The following GRIK4 variants were observed in gnomAD, a reference collection of about 807,000 sequenced individuals.
The protein encoded by GRIK4 is glutamate ionotropic receptor kainate type subunit 4.
Under a neutral mutation model 104.9 loss-of-function variants are expected in GRIK4, and 40 were observed. That is an observed-to-expected ratio of 0.38 (90% CI 0.30 to 0.50). The LOEUF is 0.50. Among genes scored for constraint, GRIK4 ranks in the 20% least tolerant of loss-of-function variants. The pLI, the probability that GRIK4 is intolerant of heterozygous loss-of-function variation, is 0.93. For missense variants in GRIK4, 1,047 were observed against 1,308.1 expected (o/e 0.80, Z 3.08); for synonymous variants, 485 against 524.9 (o/e 0.92, Z 1.04).
Position 120,819,660 on chromosome 11 carries a change from A to T in GRIK4, c.346-95A>T. On this transcript the variant is annotated intron_variant, in intron 5 of 20. Transcript: ENST00000527524. This position sits in a 1 kb window ranked among gnomAD's most constrained non-coding sequence, Gnocchi z 4.3. ...GTCTGGCGAAGGTGTTACATAAAAG[A>T]ACTCACCCTCCACAACCTCAGCTCA... 2.6e-6 allele frequency: 3 copies of T among 1,166,914 alleles called. No individual in the cohort carries two copies. Among genetic ancestry groups the T allele is most frequent in the African/African-American group, 1.5e-5 (1 of 66,544 alleles). 72.3% of individuals were successfully genotyped at this position (1,166,914 alleles called of 1,614,324 possible).
At chr11:120,900,187 G>A (rs930366257) in intron 12 of GRIK4, among the ~76,000 whole-genome samples, 15 of 152,176 alleles carry the variant, frequency 9.9e-5, no homozygotes, top group East Asian at 5.8e-4. Flanking sequence ...GGGAGGAGAG[G>A]TCAATGAAGG....
intron 3 of GRIK4, among the ~76,000 whole-genome samples, chr11:120,765,055 C>G (rs1456944278): frequency 2.0e-5 from 3 of 152,082 alleles, no homozygotes; most frequent in Non-Finnish European, 4.4e-5. Context: ...GTGTGTTTTC[C>G]AACTTGATTC....
At chr11:120,620,163 A>C (rs1173423011) in intron 1 of GRIK4, 1 of 843,272 alleles carries the variant, frequency 1.2e-6, no homozygotes. Flanking sequence ...ATGTTAATGC[A>C]TGTTCTCTTT....
rs1484488484 is a variant in GRIK4 at position 120,940,480 on chromosome 11, A to C, written c.1590+20A>C. On this transcript the variant is annotated intron_variant, in intron 14 of 20. Transcript: ENST00000527524. This position sits in a 1 kb window ranked among gnomAD's most constrained non-coding sequence, Gnocchi z 4.3. ...CATATGGTAAGAGACTTATTTTATA[A>C]GCATTTATGTCATTAAAGTTATTTG... 2.3e-6 allele frequency: 3 copies of C among 1,329,466 alleles called. No homozygotes were observed. The Admixed American group carries it at 5.2e-5, about 23-fold the overall frequency. The allele number at this position is 1,329,466 out of a possible 1,614,324, so 82.4% of individuals were successfully genotyped here. A position where few individuals can be genotyped will look rare whatever the true frequency, so the allele number is the denominator to read the frequency against.
At chr11:120,963,997 T>TTATTTATTTATTTATTTC (rs10623083) in intron 18 of GRIK4, among the ~76,000 whole-genome samples, 2 of 146,344 alleles carry the variant, frequency 1.4e-5, no homozygotes, top group African/African-American at 5.1e-5. Context: ...ATTTATTTAT[T>TTATTTATTTATTTATTTC]TTTATTTATT....
chr11:120,850,285 G>A lies in GRIK4; in HGVS notation c.745-11674G>A, dbSNP rs181170659. Among the ~76,000 whole-genome samples, 37 of 152,116 alleles carry A rather than the reference G, an allele frequency of 2.4e-4. No homozygotes were observed. In the East Asian group the frequency reaches 3.3e-3, roughly 14 times the overall value. On this transcript the variant is annotated intron_variant, in intron 8 of 20. Transcript: ENST00000527524. Reference sequence around the variant, plus strand: ...ACCTAATTGAGAGGTAAAATTCATCGTAGTCACAGTCCTGGGGAGTGTGTG... The same window carrying A: ...ACCTAATTGAGAGGTAAAATTCATCATAGTCACAGTCCTGGGGAGTGTGTG...
At chr11:120,707,623 A>G (rs1269577117) in intron 3 of GRIK4, among the ~76,000 whole-genome samples, 1 of 152,256 alleles carries the variant, frequency 6.6e-6, no homozygotes, top group Admixed American at 6.5e-5. Flanking sequence ...TCATTGATTT[A>G]GCTTACAAAT....
chr11:120,583,116 C>T (rs1481163518), intron 1 of GRIK4, among the ~76,000 whole-genome samples: 1 of 152,194 alleles, frequency 6.6e-6, no homozygotes, highest in African/African-American at 2.4e-5. Flanking sequence ...TGATGTTGAG[C>T]ATTTTTTCAT....
intron 3 of GRIK4, among the ~76,000 whole-genome samples, chr11:120,771,166 A>G (rs1951933902): frequency 6.6e-6 from 1 of 152,220 alleles, no homozygotes; most frequent in South Asian, 2.1e-4. Context: ...TGAGGGCTCA[A>G]AAGAGGAGAA....
intron 1 of GRIK4, among the ~76,000 whole-genome samples, chr11:120,645,520 G>A (rs989020009): frequency 2.0e-5 from 3 of 152,154 alleles, no homozygotes; most frequent in Non-Finnish European, 2.9e-5. Context: ...CACTCATGTC[G>A]GGGGCTTAAT....
chr11:120,885,324 G>T (rs1654010605), intron 11 of GRIK4, among the ~76,000 whole-genome samples: 1 of 152,154 alleles, frequency 6.6e-6, no homozygotes, highest in Non-Finnish European at 1.5e-5. Flanking sequence ...AAGTGAGTCT[G>T]TGAGATTTTC....
At chr11:120,607,129 C>T (rs1354098961) in intron 1 of GRIK4, among the ~76,000 whole-genome samples, 1 of 152,054 alleles carries the variant, frequency 6.6e-6, no homozygotes, top group African/African-American at 2.4e-5. Flanking sequence ...AGGCTCGGCT[C>T]AGTGGTCCAG....
At chr11:120,889,897 C>T (rs1474400314) in intron 11 of GRIK4, among the ~76,000 whole-genome samples, 2 of 152,112 alleles carry the variant, frequency 1.3e-5, no homozygotes, top group South Asian at 4.1e-4. Flanking sequence ...AGTCACTGCA[C>T]CCAGTCAGAG....
chr11:120,516,623 G>A (rs1214482524), intron 1 of GRIK4, among the ~76,000 whole-genome samples: 1 of 152,194 alleles, frequency 6.6e-6, no homozygotes, highest in African/African-American at 2.4e-5. Flanking sequence ...GCAGAAGCGC[G>A]GGTTGAGGGC....
At chr11:120,801,803 A>G (rs957607144) in intron 3 of GRIK4, among the ~76,000 whole-genome samples, 2 of 152,134 alleles carry the variant, frequency 1.3e-5, no homozygotes, top group Non-Finnish European at 2.9e-5. Flanking sequence ...TGTGTGCAAG[A>G]TCCTGTGTTG....
intron 3 of GRIK4, among the ~76,000 whole-genome samples, chr11:120,785,851 A>G (rs1483705831): frequency 6.6e-6 from 1 of 152,082 alleles, no homozygotes; most frequent in East Asian, 1.9e-4. Context: ...ATCCCCAGCT[A>G]ACCTGCCCTC....
At chr11:120,693,217 G>T (rs963393588) in intron 3 of GRIK4, among the ~76,000 whole-genome samples, 4 of 151,910 alleles carry the variant, frequency 2.6e-5, no homozygotes, top group African/African-American at 9.7e-5. Context: ...CGACTCTCCT[G>T]CCTCAGCCTC....
At chr11:120,657,759 G>A (rs1949735883) in intron 2 of GRIK4, among the ~76,000 whole-genome samples, 1 of 152,250 alleles carries the variant, frequency 6.6e-6, no homozygotes, top group Non-Finnish European at 1.5e-5. Context: ...GAAGTGACAA[G>A]GCTCTGCGTG....
intron 8 of GRIK4, among the ~76,000 whole-genome samples, chr11:120,847,539 A>G (rs545260879): frequency 6.6e-6 from 1 of 152,298 alleles, no homozygotes; most frequent in East Asian, 1.9e-4. Flanking sequence ...TCAGGTAGAG[A>G]AGGACATTCT....
Sources: allele counts gnomAD v4.1 joint callset (sites outside exome capture counted in the v4.1 genomes callset), GRCh38; gene constraint gnomAD v4.1.1; non-coding constraint Gnocchi (gnomAD v3.1); transcripts MANE v1.5; gene names NCBI Gene and HGNC (gene_info 2026-07-23, HGNC 2026-07-21).